Variants in SLC4A4 observed in about 807,000 individuals in gnomAD.
SLC4A4 encodes the protein electrogenic sodium bicarbonate cotransporter 1.
SLC4A4 carries 27 observed loss-of-function variants against 111.5 expected under a neutral mutation model. The observed-to-expected ratio is 0.24, with a 90% CI of 0.18 to 0.33. The LOEUF is 0.33. Ranked by LOEUF, SLC4A4 falls within the 10% of genes least tolerant of loss-of-function variation. SLC4A4 has a pLI of 1.00. For missense variants in SLC4A4, 909 were observed against 1,315.5 expected, an observed-to-expected ratio of 0.69 and a Z score of 4.78; for synonymous variants, 443 against 463.4, an observed-to-expected ratio of 0.96 and a Z score of 0.57.
At chr4:71,238,328 G>T (rs536849075) in intron 2 of SLC4A4, among the ~76,000 whole-genome samples, 1 of 152,282 alleles carries the variant, frequency 6.6e-6, no homozygotes, top group Admixed American at 6.5e-5. Flanking sequence ...TGACTAAAAA[G>T]TGCGTTTCCT....
At chr4:71,077,359 C>T (rs1299190573) in intron 1 of SLC4A4, among the ~76,000 whole-genome samples, 1 of 152,070 alleles carries the variant, frequency 6.6e-6, no homozygotes, top group African/African-American at 2.4e-5. Context: ...CAGGGTTTCA[C>T]CATGTTGGCC....
At chr4:71,486,071 G>A (rs1418453818) in intron 14 of SLC4A4, among the ~76,000 whole-genome samples, 1 of 151,408 alleles carries the variant, frequency 6.6e-6, no homozygotes, top group African/African-American at 2.4e-5. Context: ...TAGCAATTCA[G>A]ATGTTAAATA....
At chr4:71,476,335 A>G (rs1376918626) in intron 14 of SLC4A4, among the ~76,000 whole-genome samples, 3 of 151,768 alleles carry the variant, frequency 2.0e-5, no homozygotes, top group African/African-American at 4.8e-5. Context: ...GCTCAAGTAA[A>G]TATTCTAAAA....
intron 13 of SLC4A4, among the ~76,000 whole-genome samples, chr4:71,468,696 G>A (rs2149102628): frequency 6.6e-6 from 1 of 150,502 alleles, no homozygotes. Context: ...ATTTCCAAAA[G>A]TGTGTTTCAT....
At chr4:71,427,131 G>A (rs1723216066) in intron 7 of SLC4A4, among the ~76,000 whole-genome samples, 1 of 151,978 alleles carries the variant, frequency 6.6e-6, no homozygotes, top group Non-Finnish European at 1.5e-5. Flanking sequence ...AACAGAACAT[G>A]AGCAGTGTTA....
intron 2 of SLC4A4, among the ~76,000 whole-genome samples, chr4:71,111,539 T>G (rs1292703162): frequency 2.8e-5 from 4 of 141,044 alleles, no homozygotes; most frequent in African/African-American, 1.1e-4. Context: ...TTTTTTTTTT[T>G]TTTTTTTTTT....
intron 2 of SLC4A4, among the ~76,000 whole-genome samples, chr4:71,245,812 T>C (rs976378359): frequency 6.6e-6 from 1 of 152,080 alleles, no homozygotes; most frequent in African/African-American, 2.4e-5. Context: ...GAGGACTCGA[T>C]TGGACTCTGC....
intron 15 of SLC4A4, 92 bp from the exon 16 acceptor site, chr4:71,497,407 CTT>C (rs1730511291): frequency 1.9e-6 from 2 of 1,033,512 alleles, no homozygotes; most frequent in Middle Eastern, 2.5e-4. Flanking sequence ...TTTACAGAAA[CTT>C]TTGGTATAAT....
At chr4:71,313,097 A>G (rs2148856903) in intron 3 of SLC4A4, among the ~76,000 whole-genome samples, 1 of 152,380 alleles carries the variant, frequency 6.6e-6, no homozygotes. Context: ...ATACAAAATC[A>G]ATGTGCAAAA....
intron 14 of SLC4A4, among the ~76,000 whole-genome samples, chr4:71,483,620 G>A (rs972560791): frequency 6.6e-6 from 1 of 151,910 alleles, no homozygotes. Flanking sequence ...TGTGGATAGT[G>A]CTACAGTGAA....
At chr4:71,378,550 T>C (rs773074841) in intron 6 of SLC4A4, among the ~76,000 whole-genome samples, 9 of 152,248 alleles carry the variant, frequency 5.9e-5, no homozygotes, top group Non-Finnish European at 1.0e-4. Context: ...AGCACTCTTA[T>C]TAGACCAAAC....
intron 3 of SLC4A4, among the ~76,000 whole-genome samples, chr4:71,267,497 A>G (rs1474104141): frequency 6.6e-6 from 1 of 152,200 alleles, no homozygotes; most frequent in African/African-American, 2.4e-5. Context: ...GTGAGGCCTC[A>G]TTGAGGAGAG....
intron 12 of SLC4A4, among the ~76,000 whole-genome samples, chr4:71,461,943 C>T (rs1382129813): frequency 6.6e-6 from 1 of 152,126 alleles, no homozygotes; most frequent in Non-Finnish European, 1.5e-5. Flanking sequence ...CGTAGTGTTG[C>T]CGCCTAAGAC....
intron 2 of SLC4A4, among the ~76,000 whole-genome samples, chr4:71,135,119 T>A (rs1743807931): frequency 6.6e-6 from 1 of 152,184 alleles, no homozygotes; most frequent in African/African-American, 2.4e-5. Flanking sequence ...ATGTAAATAT[T>A]TTAAATTCAA....
intron 15 of SLC4A4, among the ~76,000 whole-genome samples, chr4:71,492,777 C>T (rs917009004): frequency 3.3e-5 from 5 of 151,962 alleles, no homozygotes; most frequent in Non-Finnish European, 7.4e-5. Flanking sequence ...CTTACTCCTG[C>T]TGCCCTTTGA....
intron 3 of SLC4A4, chr4:71,339,034 G>A: frequency 6.9e-7 from 1 of 1,447,528 alleles, no homozygotes; most frequent in South Asian, 1.4e-5. Context: ...TATAATTTTG[G>A]ATGAGTCATA....
chr4:71,516,503 C>T (rs1732413582), intron 16 of SLC4A4, among the ~76,000 whole-genome samples: 3 of 152,160 alleles, frequency 2.0e-5, no homozygotes, highest in Admixed American at 1.3e-4. Context: ...GCCATAGCTG[C>T]TCAGGTCTTA....
At chr4:71,478,517 C>T (rs945979075) in intron 14 of SLC4A4, among the ~76,000 whole-genome samples, 11 of 151,252 alleles carry the variant, frequency 7.3e-5, no homozygotes, top group African/African-American at 2.7e-4. Context: ...AACAGAAAAC[C>T]AAATACCACA....
At chr4:71,326,398 T>C (rs1727505464) in intron 3 of SLC4A4, among the ~76,000 whole-genome samples, 1 of 151,982 alleles carries the variant, frequency 6.6e-6, no homozygotes, top group Admixed American at 6.6e-5. Flanking sequence ...AGTAATTTGC[T>C]GAACCTCTCT....
Sources: allele counts gnomAD v4.1 joint callset (sites outside exome capture counted in the v4.1 genomes callset), GRCh38; gene constraint gnomAD v4.1.1; transcripts MANE v1.5; gene names NCBI Gene and HGNC (gene_info 2026-07-23, HGNC 2026-07-21).